The following HASPIN variants were observed in gnomAD, a reference collection of about 807,000 sequenced individuals.
HASPIN encodes the protein histone H3 associated protein kinase.
HASPIN carries 24 observed loss-of-function variants against 28.8 expected under a neutral mutation model. The observed-to-expected ratio is 0.83, with a 90% confidence interval of 0.60 to 1.17. The LOEUF (loss-of-function observed/expected upper bound fraction) is 1.17. Among genes scored for constraint, HASPIN ranks in the 50% most tolerant of loss-of-function variants. The pLI, the probability that HASPIN is intolerant of heterozygous loss-of-function variation, is 0.00. For synonymous variants in HASPIN, 440 were observed against 413.1 expected (o/e 1.07, Z -0.79); for missense variants, 1,016 against 1,018.5 (o/e 1.00, Z 0.03).
rs759475079 is a variant in HASPIN at position 3,724,647 on chromosome 17, C to A, written c.712C>A (p.Arg238Ser). The A allele has an allele frequency of 2.5e-6, 4 of 1,614,072 alleles. No individual in the cohort carries two copies. The East Asian group carries it at 8.9e-5, about 36-fold the overall frequency. Reference sequence around the variant, plus strand: ...GGACACCAGGATGGTCCACCAAACCCGCGCCAGCCTCAGGTCAGTTCTCTT... The same window carrying A: ...GGACACCAGGATGGTCCACCAAACCAGCGCCAGCCTCAGGTCAGTTCTCTT... The part of the protein sequence containing the change: ...AKDTRMVHQT[R>S]ASLRSVLFGL... The change falls in exon 1 of 1, where the codon CGC becomes AGC. Residue 238 changes from arginine to serine, a missense_variant. By Grantham distance (110) the Arg-to-Ser change is moderately radical. Transcript: ENST00000325418.
rs1567756198 is a variant in HASPIN, at chr17:3,724,257, A to G, written c.322A>G (p.Ser108Gly). 1.9e-6 allele frequency: 3 copies of G among 1,592,064 alleles called. No homozygotes were observed. Among genetic ancestry groups the G allele is most frequent in the Non-Finnish European group, 8.5e-7 (1 of 1,176,646 alleles). Residue 108 changes from serine to glycine, a missense_variant, in exon 1 of 1, where the codon AGC (serine) becomes GGC (glycine). By Grantham distance (56) the Ser-to-Gly change is moderately conservative. Transcript: ENST00000325418. Reference protein sequence around the residue: ...PKRWKLRARPSLTVTPRRLGL... With the variant: ...PKRWKLRARPGLTVTPRRLGL... ...GCGCTGGAAGCTGCGAGCTCGCCCAAGCCTAACCGTGACCCCAAGACGCCT... is the reference window on the plus strand; with the variant it reads ...GCGCTGGAAGCTGCGAGCTCGCCCAGGCCTAACCGTGACCCCAAGACGCCT...
rs1025817171 is a variant in HASPIN at position 3,726,434 on chromosome 17, C to G, written c.*102C>G. 1 of 743,494 alleles carries G rather than the reference C, an allele frequency of 1.3e-6. No individual in the cohort carries two copies. The highest frequency in any genetic ancestry group is 2.3e-6 in the Non-Finnish European group (1 of 443,250). 46.1% of individuals were successfully genotyped at this position (743,494 alleles called of 1,614,324 possible). ...CACAGGAGGGTGGAACTCCCATTCT[C>G]ACAGGTTTCCAGTCAGCTTTTCAAA... On this transcript the variant is annotated 3_prime_UTR_variant, in exon 1 of 1. Coordinates refer to ENST00000325418, the MANE Select transcript of HASPIN (RefSeq NM_031965.2).
chr17:3,724,093 G>C lies in HASPIN; in HGVS notation c.158G>C (p.Ser53Thr). The change falls in exon 1 of 1, where the codon AGC becomes ACC. Residue 53 changes from serine (S) to threonine (T), a missense_variant. Transcript: ENST00000325418. ...AACAGCAGCGGCAGCAGCGACGCCA[G>C]CATCGGCGACCCCTCGCAGTCCGAC... ...FFNSSGSSDA[S>T]IGDPSQSDDP... is the part of the protein sequence containing the mutation. 1 of 1,595,934 alleles carries C rather than the reference G, an allele frequency of 6.3e-7. No homozygotes were observed. Among genetic ancestry groups the C allele is most frequent in the Non-Finnish European group, 8.5e-7 (1 of 1,177,682 alleles).
rs1272459635 is a variant in HASPIN at position 3,725,279 on chromosome 17, C to A, written c.1344C>A (p.Asn448Lys). The change falls in exon 1 of 1, where the codon AAC (asparagine) becomes AAA (lysine). Residue 448 changes from asparagine to lysine, a missense_variant. Coordinates refer to ENST00000325418, the MANE Select transcript of HASPIN (RefSeq NM_031965.2). ...CTATGTATTTGCTAAGCCCCTTAAA[C>A]ACTCTAAGTATTTCAAACAAAAAGG... is the stretch of plus-strand genomic sequence containing the variant. Reference protein sequence around the residue: ...SSSMYLLSPLNTLSISNKKAS... With the variant: ...SSSMYLLSPLKTLSISNKKAS... 6.2e-7 allele frequency: 1 copy of A among 1,614,188 alleles called. No individual in the cohort carries two copies. Among genetic ancestry groups the A allele is most frequent in the East Asian group, 2.2e-5 (1 of 44,884 alleles).
Position 3,724,853 on chromosome 17 carries a change from A to G in HASPIN, c.918A>G (p.Gln306=). 6.2e-7 allele frequency: 1 copy of G among 1,614,108 alleles called. No individual in the cohort carries two copies. Among genetic ancestry groups the G allele is most frequent in the Non-Finnish European group, 8.5e-7 (1 of 1,180,042 alleles). ...GQDSCQERGL[Q]EAVRREHQEA... ...ACTCTTGTCAAGAGAGAGGGCTTCA[A>G]GAGGCCGTCCGGAGAGAGCATCAGG... The change falls in exon 1 of 1, where the codon CAA becomes CAG. Residue 306 remains glutamine (Q), a synonymous_variant. Coordinates refer to ENST00000325418, the MANE Select transcript of HASPIN (RefSeq NM_031965.2).
chr17:3,726,304 T>G lies in HASPIN; in HGVS notation c.2369T>G (p.Leu790Trp). The change falls in exon 1 of 1, where the codon TTG becomes TGG. Residue 790 changes from leucine (L) to tryptophan (W), a missense_variant. Physicochemically the swap from Leu to Trp is moderately conservative, Grantham distance 61 (BLOSUM62 -2). Transcript: ENST00000325418. ...TMLNFSSATDLLCQHSLFK is the reference protein window; with the variant it reads ...TMLNFSSATDWLCQHSLFK Reference sequence around the variant, plus strand: ...CTGAACTTCAGCTCTGCCACTGACTTGCTCTGCCAGCACAGTCTGTTTAAG... The same window carrying G: ...CTGAACTTCAGCTCTGCCACTGACTGGCTCTGCCAGCACAGTCTGTTTAAG... The G allele has an allele frequency of 6.2e-7, 1 of 1,613,496 alleles. No homozygotes were observed. The highest frequency in any genetic ancestry group is 1.1e-5 in the South Asian group (1 of 91,050).
In HASPIN at chr17:3,724,873, A is replaced by T; in HGVS notation, c.938A>T (p.His313Leu). The T allele has an allele frequency of 6.2e-7, 1 of 1,613,984 alleles. No individual in the cohort carries two copies. Among genetic ancestry groups the T allele is most frequent in the Non-Finnish European group, 8.5e-7 (1 of 1,180,040 alleles). The change falls in exon 1 of 1, where the codon CAT becomes CTT. Residue 313 changes from histidine to leucine, a missense_variant. By Grantham distance (99) the His-to-Leu change is moderately conservative. This residue lies in a region of HASPIN where 881 missense variants were observed against 845.5 expected (regional missense o/e 1.04). Transcript: ENST00000325418. The stretch of plus-strand genomic sequence containing the variant: ...CTTCAAGAGGCCGTCCGGAGAGAGC[A>T]TCAGGAGGCCAGTGTTCCCAAGGGC... ...RGLQEAVRRE[H>L]QEASVPKGRI...
Position 3,726,001 on chromosome 17 carries a change from CCCTGTCG to C in HASPIN, c.2068_2074del (p.Leu690AlafsTer34). On this transcript the variant is annotated frameshift_variant, in exon 1 of 1. Coordinates refer to ENST00000325418, the MANE Select transcript of HASPIN (RefSeq NM_031965.2). LOFTEE classifies it high-confidence loss of function. ...TTGCAAGTGAGCATCATTGACTACA[CCCTGTCG>C]CGCTTGGAACGGGATGGGATTGTGG... 6.2e-7 allele frequency: 1 copy of C among 1,613,958 alleles called. No homozygotes were observed. The highest frequency in any genetic ancestry group is 2.2e-5 in the East Asian group (1 of 44,890).
In HASPIN at chr17:3,723,988, C is replaced by A. The variant is rs2051134753; in HGVS notation, c.53C>A (p.Ala18Asp). Residue 18 changes from alanine (A) to aspartate (D), a missense_variant, in exon 1 of 1, where the codon GCT (alanine) becomes GAT (aspartate). Transcript: ENST00000325418. ...AGCCGGCTTTTCCGCACATATGGGG[C>A]TGCGGACGGCAGGAGACAGCGGCGG... ...PGSRLFRTYG[A>D]ADGRRQRRPG... 1 of 1,593,816 alleles carries A rather than the reference C, an allele frequency of 6.3e-7. No homozygotes were observed. The highest frequency in any genetic ancestry group is 1.7e-5 in the Admixed American group (1 of 59,100).
In HASPIN at chr17:3,724,622, G is replaced by A. The variant is rs768909526; in HGVS notation, c.687G>A (p.Lys229=). 2 of 1,614,178 alleles carry A rather than the reference G, an allele frequency of 1.2e-6. No individual in the cohort carries two copies. Among genetic ancestry groups the A allele is most frequent in the Non-Finnish European group, 1.7e-6 (2 of 1,180,030 alleles). The change falls in exon 1 of 1, where the codon AAG becomes AAA. Residue 229 remains lysine, a synonymous_variant. Coordinates refer to ENST00000325418, the MANE Select transcript of HASPIN (RefSeq NM_031965.2). ...CSQEEATGGA[K]DTRMVHQTRA... ...AGGAGGAAGCGACAGGAGGAGCCAA[G>A]GACACCAGGATGGTCCACCAAACCC...
rs1003316116 is a variant in HASPIN, at chr17:3,724,739, G to A, written c.804G>A (p.Glu268=). 6.2e-7 allele frequency: 1 copy of A among 1,614,240 alleles called. No homozygotes were observed. Among genetic ancestry groups the A allele is most frequent in the Non-Finnish European group, 8.5e-7 (1 of 1,180,034 alleles). The change falls in exon 1 of 1, where the codon GAG becomes GAA. Residue 268 remains glutamate (E), a synonymous_variant. Transcript: ENST00000325418. ...GGGCAGATGGGAAGAATATGAGAGA[G>A]TCCTGCTGTAAAAGGAAACTGGTGG... ...EFRADGKNMR[E]SCCKRKLVVG... is the part of the protein sequence containing the mutation.
Position 3,725,955 on chromosome 17 carries a change from A to C in HASPIN, c.2020A>C (p.Ser674Arg), listed in dbSNP as rs139709025. ...KLHYTLNGKS[S>R]TIPSCGLQVS... ...CCACTACACCCTCAATGGGAAGAGC[A>C]GCACTATCCCCAGCTGTGGGTTGCA... The change falls in exon 1 of 1, where the codon AGC (serine) becomes CGC (arginine). Residue 674 changes from serine to arginine, a missense_variant. Ser to Arg is a moderately radical substitution (Grantham distance 110, BLOSUM62 -1). This residue lies in a region of HASPIN where 129 missense variants were observed against 156.2 expected (regional missense o/e 0.83). Coordinates refer to ENST00000325418, the MANE Select transcript of HASPIN (RefSeq NM_031965.2). The C allele has an allele frequency of 5.6e-6, 9 of 1,613,746 alleles. No individual in the cohort carries two copies. The highest frequency in any genetic ancestry group is 6.8e-6 in the Non-Finnish European group (8 of 1,180,028).
In HASPIN at chr17:3,724,470, TC is replaced by T; in HGVS notation, c.539del (p.Pro180GlnfsTer70). On this transcript the variant is annotated frameshift_variant, in exon 1 of 1. Coordinates refer to ENST00000325418, the MANE Select transcript of HASPIN (RefSeq NM_031965.2). LOFTEE classifies it low-confidence loss of function (END_TRUNC). ...CTCTCTGGCCTCGCCCTGCCCCGGG[TC>T]CCCAACGCCAAGGGACAGTGTCATC... The part of the protein sequence containing the change: ...FSSLASPCPG[S>X]PTPRDSVISI... The T allele has an allele frequency of 6.2e-7, 1 of 1,613,592 alleles. No individual in the cohort carries two copies. The highest frequency in any genetic ancestry group is 8.5e-7 in the Non-Finnish European group (1 of 1,179,950).
At position 3,724,023 on chromosome 17, in the gene HASPIN, G is replaced by A; in HGVS notation, c.88G>A (p.Glu30Lys). The change falls in exon 1 of 1, where the codon GAA (glutamate) becomes AAA (lysine). Residue 30 changes from glutamate to lysine, a missense_variant. Transcript: ENST00000325418. ...DGRRQRRPGREAAQWFPPQDR... is the reference protein window; with the variant it reads ...DGRRQRRPGRKAAQWFPPQDR... The stretch of plus-strand genomic sequence containing the variant: ...CAGGAGACAGCGGCGGCCGGGCCGG[G>A]AAGCCGCGCAGTGGTTCCCGCCGCA... 6.3e-7 allele frequency: 1 copy of A among 1,591,052 alleles called. No individual in the cohort carries two copies. Among genetic ancestry groups the A allele is most frequent in the Non-Finnish European group, 8.5e-7 (1 of 1,174,052 alleles).
Position 3,724,212 on chromosome 17 carries a change from A to C in HASPIN, c.277A>C (p.Ser93Arg). ...CGGCCGAGTGCCCAAGGACCGGCCC[A>C]GCCTGACCGTGACCCCAAAGCGCTG... ...PGGRVPKDRP[S>R]LTVTPKRWKL... is the part of the protein sequence containing the mutation. The change falls in exon 1 of 1, where the codon AGC becomes CGC. Residue 93 changes from serine (S) to arginine (R), a missense_variant. Physicochemically the swap from Ser to Arg is moderately radical, Grantham distance 110. Coordinates refer to ENST00000325418, the MANE Select transcript of HASPIN (RefSeq NM_031965.2). The C allele has an allele frequency of 6.3e-7, 1 of 1,593,176 alleles. No individual in the cohort carries two copies. The highest frequency in any genetic ancestry group is 1.1e-5 in the South Asian group (1 of 90,304).
Position 3,726,135 on chromosome 17 carries a change from G to A in HASPIN, c.2200G>A (p.Gly734Ser). The A allele has an allele frequency of 1.2e-6, 2 of 1,614,136 alleles. No individual in the cohort carries two copies. The highest frequency in any genetic ancestry group is 1.7e-6 in the Non-Finnish European group (2 of 1,180,028). Residue 734 changes from glycine to serine, a missense_variant, in exon 1 of 1, where the codon GGT (glycine) becomes AGT (serine). Physicochemically the swap from Gly to Ser is moderately conservative, Grantham distance 56. Around this residue, in one of 3 missense-constraint regions of HASPIN, gnomAD observed 129 missense variants for 156.2 expected, o/e 0.83. Coordinates refer to ENST00000325418, the MANE Select transcript of HASPIN (RefSeq NM_031965.2). Reference protein sequence around the residue: ...LMKKENNNRWGEYHPYSNVLW... With the variant: ...LMKKENNNRWSEYHPYSNVLW... Reference sequence around the variant, plus strand: ...GAAGAAGGAGAATAACAACCGCTGGGGTGAATATCACCCTTATAGTAATGT... The same window carrying A: ...GAAGAAGGAGAATAACAACCGCTGGAGTGAATATCACCCTTATAGTAATGT...
chr17:3,725,634 G>C lies in HASPIN; in HGVS notation c.1699G>C (p.Gly567Arg). Residue 567 changes from glycine (G) to arginine (R), a missense_variant, in exon 1 of 1, where the codon GGA (glycine) becomes CGA (arginine). This residue lies in a region of HASPIN where 881 missense variants were observed against 845.5 expected (regional missense o/e 1.04). Transcript: ENST00000325418. ...IGLNSVHCVQ[G>R]SYPPLLLKAW... is the part of the protein sequence containing the mutation. ...GCTGAACTCAGTGCACTGTGTCCAG[G>C]GATCTTACCCTCCCTTGCTCCTCAA... 1.2e-6 allele frequency: 2 copies of C among 1,608,576 alleles called. No individual in the cohort carries two copies.
rs754301276 is a variant in HASPIN at position 3,724,088 on chromosome 17, C to T, written c.153C>T (p.Asp51=). Residue 51 remains aspartate (D), a synonymous_variant, in exon 1 of 1, where the codon GAC becomes GAT. Transcript: ENST00000325418. ...TCTTCAACAGCAGCGGCAGCAGCGACGCCAGCATCGGCGACCCCTCGCAGT... is the reference window on the plus strand; with the variant it reads ...TCTTCAACAGCAGCGGCAGCAGCGATGCCAGCATCGGCGACCCCTCGCAGT... ...RRFFNSSGSS[D]ASIGDPSQSD... 26 of 1,595,778 alleles carry T rather than the reference C, an allele frequency of 1.6e-5. No homozygotes were observed. In the African/African-American group the frequency reaches 2.8e-4, roughly 17 times the overall value.
At position 3,724,750 on chromosome 17, in the gene HASPIN, A is replaced by T. The variant is rs2051165608; in HGVS notation, c.815A>T (p.Lys272Ile). ...AAGAATATGAGAGAGTCCTGCTGTAAAAGGAAACTGGTGGTGGGAAATGGA... is the reference window on the plus strand; with the variant it reads ...AAGAATATGAGAGAGTCCTGCTGTATAAGGAAACTGGTGGTGGGAAATGGA... ...DGKNMRESCCKRKLVVGNGPE... is the reference protein window; with the variant it reads ...DGKNMRESCCIRKLVVGNGPE... The change falls in exon 1 of 1, where the codon AAA becomes ATA. Residue 272 changes from lysine (K) to isoleucine (I), a missense_variant. Transcript: ENST00000325418. 1 of 1,614,070 alleles carries T rather than the reference A, an allele frequency of 6.2e-7. No individual in the cohort carries two copies. The highest frequency in any genetic ancestry group is 8.5e-7 in the Non-Finnish European group (1 of 1,180,036).
Sources: gnomAD v4.1 joint callset for allele counts on GRCh38, gnomAD v4.1.1 for gene constraint, gnomAD v4.1.1 regional missense constraint, MANE v1.5 for transcripts, NCBI Gene and HGNC (gene_info 2026-07-23, HGNC 2026-07-21) for gene names.